The following CDX4 variants were observed in gnomAD, a reference collection of about 807,000 sequenced individuals.
CDX4 encodes homeobox protein CDX-4.
CDX4 carries 11 observed loss-of-function variants against 14.1 expected under a neutral mutation model. The observed-to-expected ratio is 0.78, with a 90% CI of 0.49 to 1.29. CDX4 has a LOEUF of 1.29. Ranked by LOEUF, CDX4 falls within the 50% of genes most tolerant of loss-of-function variation. The pLI is 0.00. For missense variants in CDX4, 257 were observed against 237.4 expected (o/e 1.08, Z -0.54); for synonymous variants, 100 against 93.5 (o/e 1.07, Z -0.40).
intron 1 of CDX4, among the ~76,000 whole-genome samples, chrX:73,448,232 A>T (rs2057077206): frequency 1.8e-5 from 2 of 109,441 alleles, no homozygotes; most frequent in African/African-American, 6.7e-5. Context: ...AAAGCTGGTG[A>T]TGCTCAATTT....
chrX:73,448,118 G>T (rs1376274073), intron 1 of CDX4, among the ~76,000 whole-genome samples: 1 of 112,049 alleles, frequency 8.9e-6, no homozygotes. Flanking sequence ...TGAATGAAGC[G>T]AGAGGGCAGC....
Position 73,454,784 on chromosome X carries a change from G to A in CDX4, c.*199G>A. On this transcript the variant is annotated 3_prime_UTR_variant, in exon 3 of 3. Coordinates refer to ENST00000373514, the MANE Select transcript of CDX4 (RefSeq NM_005193.2). ...CCCCAGAAAACTCCTGTCACGTGCT[G>A]TGCTATATGTCAGTCACTCAGGAAT... 2.5e-6 allele frequency: 1 copy of A among 394,931 alleles called. No homozygotes were observed. Among genetic ancestry groups the A allele is most frequent in the South Asian group, 5.1e-5 (1 of 19,580 alleles). The allele number at this position is 394,931 out of a possible 1,213,427, so 32.5% of individuals were successfully genotyped here.
At position 73,447,626 on chromosome X, in the gene CDX4, G is replaced by C. The variant is rs1268309313; in HGVS notation, c.373G>C (p.Gly125Arg). The C allele has an allele frequency of 8.3e-7, 1 of 1,211,118 alleles. No homozygotes were observed. The highest frequency in any genetic ancestry group is 1.1e-6 in the Non-Finnish European group (1 of 895,357). ...GGGCCCTGTGGGCGGTGGAACTAGCGGCAGCAGCCTACCAGGCCAGGCTGG... is the reference window on the plus strand; with the variant it reads ...GGGCCCTGTGGGCGGTGGAACTAGCCGCAGCAGCCTACCAGGCCAGGCTGG... ...NLGPVGGGTS[G>R]SSLPGQAGGS... The change falls in exon 1 of 3, where the codon GGC becomes CGC. Residue 125 changes from glycine to arginine, a missense_variant. By Grantham distance (125) the Gly-to-Arg change is moderately radical (BLOSUM62 -2). Transcript: ENST00000373514.
chrX:73,454,647 T>C lies in CDX4; in HGVS notation c.*62T>C. On this transcript the variant is annotated 3_prime_UTR_variant, in exon 3 of 3. Transcript: ENST00000373514. The stretch of plus-strand genomic sequence containing the variant: ...AGTGATGTCTTTTGGGTCTCTAAGC[T>C]ATCTACAGGGGAGTTGGAGCAGGGT... 2 of 845,913 alleles carry C rather than the reference T, an allele frequency of 2.4e-6. No individual in the cohort carries two copies. Among genetic ancestry groups the C allele is most frequent in the East Asian group, 3.3e-5 (1 of 30,404 alleles). The allele number at this position is 845,913 out of a possible 1,213,427, so 69.7% of individuals were successfully genotyped here. A position where few individuals can be genotyped will look rare whatever the true frequency, so the allele number is the denominator to read the frequency against.
rs146093321 is a variant in CDX4 at position 73,447,505 on chromosome X, C to A, written c.252C>A (p.Ser84Arg). Residue 84 changes from serine to arginine, a missense_variant, in exon 1 of 3, where the codon AGC becomes AGA. Transcript: ENST00000373514. ...SPYSPPREDW[S>R]VYPGPSSTMG... ...ACAGTCCCCCGCGAGAAGACTGGAG[C>A]GTGTATCCTGGGCCGTCTAGTACAA... The A allele has an allele frequency of 1.7e-6, 2 of 1,211,779 alleles. No individual in the cohort carries two copies. The highest frequency in any genetic ancestry group is 3.5e-5 in the South Asian group (2 of 56,973).
In CDX4 at chrX:73,454,994, GAGA is replaced by G. The variant is rs2057102519; in HGVS notation, c.*415_*417del. On this transcript the variant is annotated 3_prime_UTR_variant, in exon 3 of 3. Coordinates refer to ENST00000373514, the MANE Select transcript of CDX4 (RefSeq NM_005193.2). ...TTCTTTTATGCTATCTTTAAGGAGT[GAGA>G]AGAAGGTAAACCGAAGTTTATCTAT... 8.5e-6 allele frequency: 1 copy of G among 117,864 alleles called. No homozygotes were observed. 9.7% of individuals were successfully genotyped at this position (117,864 alleles called of 1,213,427 possible).
rs1323391133 is a variant in CDX4 at position 73,454,530 on chromosome X, C to A, written c.800C>A (p.Ser267Tyr). The A allele has an allele frequency of 3.8e-5, 46 of 1,208,052 alleles. No homozygotes were observed. The highest frequency in any genetic ancestry group is 5.1e-5 in the Non-Finnish European group (46 of 893,884). Residue 267 changes from serine (S) to tyrosine (Y), a missense_variant, in exon 3 of 3, where the codon TCT becomes TAT. Transcript: ENST00000373514. ...ELPNTFFTTP[S>Y]AVRGFQPIEI... ...CCTAACACTTTTTTCACCACACCAT[C>A]TGCTGTTCGTGGATTTCAACCTATT... is the stretch of plus-strand genomic sequence containing the variant.
chrX:73,448,821 A>G (rs1441134434), intron 1 of CDX4, among the ~76,000 whole-genome samples: 1 of 112,335 alleles, frequency 8.9e-6, no homozygotes, highest in Admixed American at 9.4e-5. Flanking sequence ...GAGTATTTTC[A>G]TCCCTCTGGG....
intron 2 of CDX4, among the ~76,000 whole-genome samples, chrX:73,454,083 A>G (rs897430161): frequency 9.0e-6 from 1 of 111,507 alleles, no homozygotes; most frequent in Admixed American, 9.5e-5. Flanking sequence ...TCATTCCAGC[A>G]TTATTTATTT....
At chrX:73,452,088 A>G (rs1404986953) in intron 1 of CDX4, among the ~76,000 whole-genome samples, 1 of 103,108 alleles carries the variant, frequency 9.7e-6, no homozygotes, top group East Asian at 3.0e-4. Flanking sequence ...CTTAAAATAT[A>G]TCACTTATCT....
At position 73,453,744 on chromosome X, in the gene CDX4, G is replaced by A; in HGVS notation, c.648+82G>A. The A allele has an allele frequency of 6.9e-6, 6 of 867,413 alleles. 1 individual carries two copies. In the Middle Eastern group the frequency reaches 8.4e-4, roughly 121 times the overall value. The allele number at this position is 867,413 out of a possible 1,213,427, so 71.5% of individuals were successfully genotyped here. On this transcript the variant is annotated intron_variant, in intron 2 of 2. Transcript: ENST00000373514. ...TTCTAGAATTGTAAAGTCCCTTAAT[G>A]CATTGCCTTATCCCAAGTAGCTTGC...
chrX:73,454,171 A>T (rs2057098722), intron 2 of CDX4, among the ~76,000 whole-genome samples: 1 of 111,550 alleles, frequency 9.0e-6, no homozygotes, highest in Non-Finnish European at 1.9e-5. Context: ...CTAGACTTGG[A>T]TCTCAGTTTC....
chrX:73,450,429 AC>A (rs1289764555), intron 1 of CDX4, among the ~76,000 whole-genome samples: 1 of 112,113 alleles, frequency 8.9e-6, no homozygotes, highest in Admixed American at 9.4e-5. Flanking sequence ...ATGCACTTTC[AC>A]ATTTTAAACA....
At position 73,447,335 on chromosome X, in the gene CDX4, G is replaced by A. The variant is rs2057073320; in HGVS notation, c.82G>A (p.Gly28Arg). The A allele has an allele frequency of 8.3e-7, 1 of 1,209,316 alleles. No homozygotes were observed. The highest frequency in any genetic ancestry group is 1.1e-6 in the Non-Finnish European group (1 of 894,930). Residue 28 changes from glycine (G) to arginine (R), a missense_variant, in exon 1 of 3, where the codon GGG (glycine) becomes AGG (arginine). By Grantham distance (125) the Gly-to-Arg change is moderately radical. Coordinates refer to ENST00000373514, the MANE Select transcript of CDX4 (RefSeq NM_005193.2). ...GAGCCCTGGGGGCGACGGCACAGCT[G>A]GGACAGGCGGCACAGGGGGCGGTGG... ...LMSPGGDGTA[G>R]TGGTGGGGSP... is the part of the protein sequence containing the mutation.
Position 73,447,285 on chromosome X carries a change from C to G in CDX4, c.32C>G (p.Ala11Gly). 1.7e-6 allele frequency: 2 copies of G among 1,209,793 alleles called. No individual in the cohort carries two copies. Among genetic ancestry groups the G allele is most frequent in the Admixed American group, 2.2e-5 (1 of 46,001 alleles). Reference sequence around the variant, plus strand: ...GGAAGCTGTCTTTTGGAGAAAGAAGCAGGCATGTACCCGGGCACTCTCATG... The same window carrying G: ...GGAAGCTGTCTTTTGGAGAAAGAAGGAGGCATGTACCCGGGCACTCTCATG... Reference protein sequence around the residue: MYGSCLLEKEAGMYPGTLMSP... With the variant: MYGSCLLEKEGGMYPGTLMSP... The change falls in exon 1 of 3, where the codon GCA (alanine) becomes GGA (glycine). Residue 11 changes from alanine (A) to glycine (G), a missense_variant. Transcript: ENST00000373514.
In CDX4 at chrX:73,447,163, A is replaced by G. The variant is rs1390162408; in HGVS notation, c.-91A>G. On this transcript the variant is annotated 5_prime_UTR_variant, in exon 1 of 3. Coordinates refer to ENST00000373514, the MANE Select transcript of CDX4 (RefSeq NM_005193.2). ...GAGCTTGCGGCACAACTACGTACTG[A>G]TAAGTTTATTCTCTGCTGCTTCTCA... The G allele has an allele frequency of 2.9e-6, 3 of 1,019,950 alleles. No homozygotes were observed. The highest frequency in any genetic ancestry group is 2.7e-4 in the Middle Eastern group (1 of 3,727). 84.1% of individuals were successfully genotyped at this position (1,019,950 alleles called of 1,213,427 possible).
chrX:73,452,326 G>A (rs1554917), intron 1 of CDX4, among the ~76,000 whole-genome samples: 53,186 of 107,827 alleles, frequency 0.49, 12,269 homozygotes, highest in Non-Finnish European at 0.68. Context: ...CTTTAAAGAC[G>A]TCTTTGTCCT....
In CDX4 at chrX:73,454,671, G is replaced by T; in HGVS notation, c.*86G>T. 1 of 637,534 alleles carries T rather than the reference G, an allele frequency of 1.6e-6. No individual in the cohort carries two copies. Among genetic ancestry groups the T allele is most frequent in the Non-Finnish European group, 2.5e-6 (1 of 407,161 alleles). 52.5% of individuals were successfully genotyped at this position (637,534 alleles called of 1,213,427 possible). A position where few individuals can be genotyped will look rare whatever the true frequency, so the allele number is the denominator to read the frequency against. ...CTATCTACAGGGGAGTTGGAGCAGG[G>T]TGTAATTCCCTGTAAGGCAGTATTT... On this transcript the variant is annotated 3_prime_UTR_variant, in exon 3 of 3. Transcript: ENST00000373514.
intron 2 of CDX4, 62 bp downstream of exon 2, chrX:73,453,724 G>A: frequency 2.0e-6 from 2 of 1,021,403 alleles, no homozygotes; most frequent in Non-Finnish European, 2.7e-6. Context: ...CAGAATTCTA[G>A]AATTGTAAAG....
Sources: allele counts gnomAD v4.1 joint callset (sites outside exome capture counted in the v4.1 genomes callset), GRCh38; gene constraint gnomAD v4.1.1; transcripts MANE v1.5; gene names NCBI Gene and HGNC (gene_info 2026-07-23, HGNC 2026-07-21).